Variants in ZFAT observed in about 807,000 individuals in gnomAD.
ZFAT encodes zinc finger and AT-hook domain containing, also known as zinc finger protein ZFAT.
ZFAT carries 64 observed loss-of-function variants against 117.7 expected under a neutral mutation model. The observed-to-expected ratio is 0.54, with a 90% CI of 0.44 to 0.67. The LOEUF is 0.67. Among genes scored for constraint, ZFAT ranks in the 30% least tolerant of loss-of-function variants. ZFAT has a pLI of 0.00. For missense variants in ZFAT, 1,433 were observed against 1,584.5 expected (o/e 0.90, Z 1.62); for synonymous variants, 679 against 615.0 (o/e 1.10, Z -1.54).
chr8:134,542,505 T>C (rs1367631426), intron 11 of ZFAT, among the ~76,000 whole-genome samples: 1 of 152,242 alleles, frequency 6.6e-6, no homozygotes, highest in Non-Finnish European at 1.5e-5. Flanking sequence ...TTTGTGTCCA[T>C]GTGTAGTCAG....
At chr8:134,800,869 T>C in the ZFAT span, among the ~76,000 whole-genome samples, 1 of 152,144 alleles carries the variant, frequency 6.6e-6, no homozygotes, top group Non-Finnish European at 1.5e-5. Context: ...AATAAAATTT[T>C]TTTTAGAGAC....
intron 1 of ZFAT, among the ~76,000 whole-genome samples, chr8:134,692,428 G>T (rs994747750): frequency 1.3e-5 from 2 of 152,192 alleles, no homozygotes; most frequent in African/African-American, 4.8e-5. Context: ...CCTCAATGGG[G>T]CAAGTCCCTT....
intron 1 of ZFAT, among the ~76,000 whole-genome samples, chr8:134,695,637 C>T (rs1380443967): frequency 4.2e-5 from 6 of 142,990 alleles, no homozygotes; most frequent in East Asian, 4.5e-4. Flanking sequence ...ACCAAGGTGG[C>T]GCCACTCCCC....
At chr8:134,606,795 T>A (rs981439600) in intron 5 of ZFAT, among the ~76,000 whole-genome samples, 1 of 151,962 alleles carries the variant, frequency 6.6e-6, no homozygotes, top group Admixed American at 6.6e-5. Flanking sequence ...TAAACTCAAT[T>A]TTATAAAATA....
the ZFAT span, among the ~76,000 whole-genome samples, chr8:134,751,435 T>A: frequency 6.6e-6 from 1 of 151,966 alleles, no homozygotes; most frequent in African/African-American, 2.4e-5. Flanking sequence ...AGGAAGAGAA[T>A]TGACAGGAAC....
intron 1 of ZFAT, among the ~76,000 whole-genome samples, chr8:134,676,498 GA>G (rs1440474669): frequency 4.6e-5 from 7 of 152,148 alleles, no homozygotes; most frequent in African/African-American, 1.7e-4. Flanking sequence ...GTAATAGTGG[GA>G]AACTTTAACA....
At chr8:134,618,544 AC>A (rs1292166429) in intron 3 of ZFAT, among the ~76,000 whole-genome samples, 3 of 151,946 alleles carry the variant, frequency 2.0e-5, no homozygotes, top group Admixed American at 6.6e-5. Context: ...CTTGCTGGTT[AC>A]CCCCTCCTCA....
chr8:134,800,059 C>T, the ZFAT span, among the ~76,000 whole-genome samples: 266 of 152,278 alleles, frequency 1.7e-3, 1 homozygote, highest in Non-Finnish European at 2.8e-3. Context: ...CTTGTGGAGT[C>T]CAGATGGCAA....
chr8:134,577,437 C>A (rs543368784), intron 10 of ZFAT, among the ~76,000 whole-genome samples: 30 of 152,320 alleles, frequency 2.0e-4, no homozygotes, highest in African/African-American at 6.5e-4. Context: ...CAAGAAGATT[C>A]ATTTAATGGT....
At chr8:134,828,995 A>G in the ZFAT span, among the ~76,000 whole-genome samples, 1 of 152,224 alleles carries the variant, frequency 6.6e-6, no homozygotes, top group Non-Finnish European at 1.5e-5. Flanking sequence ...AAGTTTGGGT[A>G]TAACTGCTTG....
At chr8:134,535,311 T>C (rs1821748205) in intron 11 of ZFAT, among the ~76,000 whole-genome samples, 1 of 152,196 alleles carries the variant, frequency 6.6e-6, no homozygotes, top group Admixed American at 6.5e-5. Flanking sequence ...TCCACAGGGA[T>C]GTTCTATAGG....
chr8:134,670,695 A>G (rs1167782959), intron 1 of ZFAT, among the ~76,000 whole-genome samples: 5 of 152,260 alleles, frequency 3.3e-5, no homozygotes, highest in Non-Finnish European at 7.3e-5. Context: ...TAAAAGAACT[A>G]AAGAAGCAAG....
chr8:134,531,976 A>C (rs1192480716), intron 12 of ZFAT, among the ~76,000 whole-genome samples: 4 of 152,238 alleles, frequency 2.6e-5, no homozygotes, highest in Admixed American at 2.0e-4. Flanking sequence ...TTCAGCTTCA[A>C]ATAGTCACAG....
chr8:134,597,596 T>C (rs1246455939), intron 7 of ZFAT: 2 of 152,116 alleles, frequency 1.3e-5, no homozygotes, highest in African/African-American at 2.4e-5. Context: ...CACGTTGCCA[T>C]TTTGCCATTA....
chr8:134,537,174 C>T (rs574099131), intron 11 of ZFAT, among the ~76,000 whole-genome samples: 4 of 152,270 alleles, frequency 2.6e-5, no homozygotes, highest in East Asian at 3.9e-4. Context: ...TCATATGGTA[C>T]GTGCAATTAT....
intron 15 of ZFAT, among the ~76,000 whole-genome samples, chr8:134,494,019 A>G (rs1818247608): frequency 6.6e-6 from 1 of 152,186 alleles, no homozygotes; most frequent in Non-Finnish European, 1.5e-5. Context: ...TATTGTGCAT[A>G]ATACTTGACT....
At chr8:134,688,691 G>C (rs1833453682) in intron 1 of ZFAT, among the ~76,000 whole-genome samples, 1 of 152,142 alleles carries the variant, frequency 6.6e-6, no homozygotes, top group East Asian at 1.9e-4. Context: ...GACAACACTC[G>C]TTCAGGGTCC....
intron 3 of ZFAT, among the ~76,000 whole-genome samples, chr8:134,628,752 G>A (rs1364397144): frequency 6.6e-6 from 1 of 152,094 alleles, no homozygotes; most frequent in Non-Finnish European, 1.5e-5. Flanking sequence ...CTTACTACAG[G>A]GTGACACTGG....
the ZFAT span, among the ~76,000 whole-genome samples, chr8:134,802,104 C>T: frequency 6.6e-6 from 1 of 152,162 alleles, no homozygotes; most frequent in South Asian, 2.1e-4. Context: ...AAAGCAAAGA[C>T]AGCAGTGAAT....
Sources: allele counts gnomAD v4.1 joint callset (sites outside exome capture counted in the v4.1 genomes callset), GRCh38; gene constraint gnomAD v4.1.1; transcripts MANE v1.5; gene names NCBI Gene and HGNC (gene_info 2026-07-23, HGNC 2026-07-21).